The following POLK variants were observed in gnomAD, a reference collection of about 807,000 sequenced individuals.
POLK encodes the protein DNA polymerase kappa.
In POLK, 76 loss-of-function variants were observed where a neutral mutation model predicts 94.0. The observed-to-expected ratio is 0.81, with a 90% CI of 0.67 to 0.98. The LOEUF (loss-of-function observed/expected upper bound fraction) is 0.98, where lower values mean the gene tolerates loss of function less well. POLK is among the 50% of genes least tolerant of loss of function. The pLI is 0.00. For missense variants in POLK, 954 were observed against 1,010.1 expected (o/e 0.94, Z 0.75); for synonymous variants, 349 against 325.4 (o/e 1.07, Z -0.78).
At chr5:75,587,881 C>T (rs1355344478) in intron 10 of POLK, among the ~76,000 whole-genome samples, 1 of 152,152 alleles carries the variant, frequency 6.6e-6, no homozygotes. Context: ...GCACCACTCA[C>T]TCCACTCCAG....
chr5:75,531,410 A>ATATATAGCTATTTACACCAG lies in POLK; in HGVS notation c.-13-15578_-13-15559dup, dbSNP rs1260638954. Among the ~76,000 whole-genome samples, 3 of 146,620 alleles carry ATATATAGCTATTTACACCAG rather than the reference A, an allele frequency of 2.0e-5. No homozygotes were observed. The South Asian group carries it at 6.3e-4, about 31-fold the overall frequency. ...ATATAGCTATTTACACCAGTATATA[A>ATATATAGCTATTTACACCAG]TATATAGCTATTTACACCAGTATAT... On this transcript the variant is annotated intron_variant, in intron 1 of 14. Transcript: ENST00000241436.
At chr5:75,559,122 A>G (rs1770803958) in intron 3 of POLK, among the ~76,000 whole-genome samples, 1 of 152,220 alleles carries the variant, frequency 6.6e-6, no homozygotes. Flanking sequence ...GAGGAGATTG[A>G]GGAAGTTTAA....
At position 75,538,861 on chromosome 5, in the gene POLK, T is replaced by C. The variant is rs905354988; in HGVS notation, c.-13-8149T>C. The stretch of plus-strand genomic sequence containing the variant: ...CATCAGCTCACTGCAACCTCCACTT[T>C]CCAAGTTCAAGCAATTCTCCTGCCT... On this transcript the variant is annotated intron_variant, in intron 1 of 14. Transcript: ENST00000241436. Among the ~76,000 whole-genome samples, 13 of 152,192 alleles carry C rather than the reference T, an allele frequency of 8.5e-5. No homozygotes were observed. The South Asian group carries it at 2.1e-3, about 24-fold the overall frequency.
chr5:75,568,395 G>T (rs1046569823), intron 3 of POLK, among the ~76,000 whole-genome samples: 1 of 152,170 alleles, frequency 6.6e-6, no homozygotes, highest in Non-Finnish European at 1.5e-5. Context: ...GGTAAGCTGG[G>T]AAAGTGAGTA....
chr5:75,588,508 C>G (rs1320352907), intron 10 of POLK, among the ~76,000 whole-genome samples: 1 of 152,170 alleles, frequency 6.6e-6, no homozygotes, highest in Non-Finnish European at 1.5e-5. Context: ...CTTTCTTTCA[C>G]TAGTCAGGTT....
chr5:75,570,933 G>C (rs1771555839), intron 4 of POLK, among the ~76,000 whole-genome samples: 1 of 151,794 alleles, frequency 6.6e-6, no homozygotes, highest in Non-Finnish European at 1.5e-5. Context: ...TTTTTTGAAA[G>C]GAAACTCCCC....
In POLK at chr5:75,540,392, G is replaced by A. The variant is rs560528053; in HGVS notation, c.-13-6618G>A. On this transcript the variant is annotated intron_variant, in intron 1 of 14. Transcript: ENST00000241436. ...CATAACCGTGGCTGACTGCGGCTTC[G>A]AACTCCTGGGCTTAAGCAATCCTCC... is the stretch of plus-strand genomic sequence containing the variant. Among the ~76,000 whole-genome samples the A allele has an allele frequency of 5.3e-5, 8 of 151,466 alleles. No individual in the cohort carries two copies. In the East Asian group the frequency reaches 1.2e-3, roughly 22 times the overall value.
chr5:75,596,455 G>A (rs139550633), exon 13 of POLK: 47 of 1,613,490 alleles, frequency 2.9e-5, no homozygotes, highest in Admixed American at 8.3e-5. Context: ...ATGTGAAGCC[G>A]TGAATAAACA....
intron 2 of POLK, among the ~76,000 whole-genome samples, chr5:75,548,053 GC>G (rs1328984616): frequency 6.6e-6 from 1 of 152,016 alleles, no homozygotes; most frequent in South Asian, 2.1e-4. Context: ...ACTTTGAAGA[GC>G]TAGGACAATA....
At chr5:75,511,770 C>T in exon 1 of POLK, 2 of 1,551,464 alleles carry the variant, frequency 1.3e-6, no homozygotes, top group Non-Finnish European at 8.7e-7. Flanking sequence ...TCCGGCTCTC[C>T]CGGGTGACGA....
intron 1 of POLK, among the ~76,000 whole-genome samples, chr5:75,520,683 AC>A (rs1329280091): frequency 7.2e-5 from 11 of 152,210 alleles, no homozygotes; most frequent in Non-Finnish European, 1.5e-5. Context: ...ACAGGCATGA[AC>A]CACAGTGCCT....
At chr5:75,531,295 A>G (rs998642641) in intron 1 of POLK, among the ~76,000 whole-genome samples, 23 of 149,752 alleles carry the variant, frequency 1.5e-4, no homozygotes, top group Non-Finnish European at 1.9e-4. Context: ...TATACTATGT[A>G]TAAACAATAT....
chr5:75,575,369 T>G (rs1168178492), intron 5 of POLK, among the ~76,000 whole-genome samples: 1 of 152,170 alleles, frequency 6.6e-6, no homozygotes, highest in African/African-American at 2.4e-5. Flanking sequence ...TTTGCAGAGA[T>G]AGGGTTTTCC....
At chr5:75,605,427 A>AGGAAAAAAAAGTT (rs1030915651), downstream of POLK, among the ~76,000 whole-genome samples, 3 of 152,168 alleles carry the variant, frequency 2.0e-5, no homozygotes, top group African/African-American at 7.2e-5. Context: ...GGAGACAAAA[A>AGGAAAAAAAAGTT]GGAAAAAAAA....
At chr5:75,576,137 C>G (rs1372689168) in intron 5 of POLK, among the ~76,000 whole-genome samples, 1 of 152,052 alleles carries the variant, frequency 6.6e-6, no homozygotes, top group East Asian at 1.9e-4. Flanking sequence ...AGATGTTACT[C>G]CAGACTTTTC....
At chr5:75,519,601 T>C (rs1304365946) in intron 1 of POLK, among the ~76,000 whole-genome samples, 1 of 152,242 alleles carries the variant, frequency 6.6e-6, no homozygotes, top group Non-Finnish European at 1.5e-5. Context: ...ATCCTTTTGC[T>C]GAATTGACCT....
chr5:75,540,508 A>G (rs774362494), intron 1 of POLK, among the ~76,000 whole-genome samples: 23 of 152,200 alleles, frequency 1.5e-4, no homozygotes, highest in Non-Finnish European at 2.8e-4. Context: ...TATGTTGCCC[A>G]GGCTGGTCTT....
At chr5:75,520,684 C>T (rs1356128145) in intron 1 of POLK, among the ~76,000 whole-genome samples, 1 of 152,162 alleles carries the variant, frequency 6.6e-6, no homozygotes, top group Non-Finnish European at 1.5e-5. Flanking sequence ...CAGGCATGAA[C>T]CACAGTGCCT....
chr5:75,588,398 T>C (rs771970011), intron 10 of POLK, among the ~76,000 whole-genome samples: 6 of 152,070 alleles, frequency 3.9e-5, no homozygotes, highest in Non-Finnish European at 8.8e-5. Flanking sequence ...TTCTAAATAA[T>C]TAACAGAAAA....
Sources: allele counts gnomAD v4.1 joint callset (sites outside exome capture counted in the v4.1 genomes callset), GRCh38; gene constraint gnomAD v4.1.1; transcripts MANE v1.5; gene names NCBI Gene and HGNC (gene_info 2026-07-23, HGNC 2026-07-21).